Variants in NRG1 observed in about 807,000 individuals in gnomAD.
NRG1 encodes the protein neuregulin 1.
In NRG1, 18 loss-of-function variants were observed where a neutral mutation model predicts 63.8. That is an observed-to-expected ratio of 0.28 (90% CI 0.19 to 0.42). NRG1 has a LOEUF of 0.42. Among genes scored for constraint, NRG1 ranks in the 10% least tolerant of loss-of-function variants. The probability of loss-of-function intolerance (pLI) is 1.00; values close to 1 mark genes in which losing one functional copy is unlikely to be tolerated. For synonymous variants in NRG1, 302 were observed against 301.3 expected (o/e 1.00, Z -0.02); for missense variants, 762 against 814.7 (o/e 0.94, Z 0.79).
chr8:32,222,034 TAC>T (rs202206585), intron 1 of NRG1, among the ~76,000 whole-genome samples: 29,882 of 148,344 alleles, frequency 0.2, 3,078 homozygotes, highest in Non-Finnish European at 0.23. Flanking sequence ...GAAACATACA[TAC>T]ACACACACAC....
chr8:31,720,248 A>ATACATTG, intron 1 of NRG1, among the ~76,000 whole-genome samples: 1 of 152,232 alleles, frequency 6.6e-6, no homozygotes, highest in African/African-American at 2.4e-5. Flanking sequence ...AGGTGGAGTG[A>ATACATTG]CTGATACATT....
At chr8:31,792,786 G>A (rs1820841329) in intron 1 of NRG1, among the ~76,000 whole-genome samples, 1 of 152,140 alleles carries the variant, frequency 6.6e-6, no homozygotes, top group Non-Finnish European at 1.5e-5. Flanking sequence ...CATGCCACAT[G>A]TTCACAGTGA....
At chr8:31,747,488 T>A (rs1816006728) in intron 1 of NRG1, among the ~76,000 whole-genome samples, 3 of 151,976 alleles carry the variant, frequency 2.0e-5, no homozygotes, top group South Asian at 4.1e-4. Context: ...ATTCAGAGTG[T>A]CTCCTCATCA....
intron 5 of NRG1, among the ~76,000 whole-genome samples, chr8:32,656,379 C>T (rs1801493258): frequency 6.6e-6 from 1 of 152,032 alleles, no homozygotes; most frequent in South Asian, 2.1e-4. Context: ...ATTGGAGATT[C>T]TGTTGCAAGT....
intron 1 of NRG1, among the ~76,000 whole-genome samples, chr8:31,910,301 G>A (rs1450546342): frequency 1.4e-5 from 2 of 146,016 alleles, no homozygotes; most frequent in Non-Finnish European, 3.1e-5. Context: ...AGCATAGAAT[G>A]GAATGAGATG....
chr8:31,952,896 T>A (rs1451924439), intron 1 of NRG1, among the ~76,000 whole-genome samples: 1 of 152,248 alleles, frequency 6.6e-6, no homozygotes, highest in Non-Finnish European at 1.5e-5. Flanking sequence ...AACATTATTA[T>A]CACTGTCTCT....
In NRG1 at chr8:31,922,013, G is replaced by C. The variant is rs900989529; in HGVS notation, c.37+282582G>C. 3.3e-5 allele frequency among the ~76,000 whole-genome samples: 5 copies of C among 152,068 alleles called. No homozygotes were observed. In the South Asian group the frequency reaches 1.0e-3, roughly 32 times the overall value. The stretch of plus-strand genomic sequence containing the variant: ...ATTGTGATCATTTACTATTTCCTAA[G>C]TGATTCAAGCAGCAATCTTGTTTTA... On this transcript the variant is annotated intron_variant, in intron 1 of 10. Coordinates refer to the NRG1 transcript ENST00000519301.
intron 1 of NRG1, among the ~76,000 whole-genome samples, chr8:32,237,108 G>T (rs28691677): frequency 2.0e-5 from 3 of 152,176 alleles, no homozygotes; most frequent in Non-Finnish European, 4.4e-5. Context: ...TATATCAGGT[G>T]CAGGAGAAGT....
chr8:31,934,643 G>T (rs1238098864), intron 1 of NRG1, among the ~76,000 whole-genome samples: 2 of 151,382 alleles, frequency 1.3e-5, no homozygotes, highest in African/African-American at 4.9e-5. Flanking sequence ...CCACGGAAAG[G>T]GTACCCACAT....
intron 1 of NRG1, among the ~76,000 whole-genome samples, chr8:31,669,876 A>G (rs1194131108): frequency 2.6e-5 from 4 of 152,156 alleles, no homozygotes; most frequent in African/African-American, 9.7e-5. Context: ...GACTGGTCAC[A>G]TGAGGATTGG....
chr8:32,759,319 A>C (rs761492304), exon 10 of NRG1: 1 of 1,613,728 alleles, frequency 6.2e-7, no homozygotes, highest in Non-Finnish European at 8.5e-7. Context: ...TACGTATCTA[A>C]AAACGTCATC....
chr8:32,092,433 G>A (rs976631720), intron 1 of NRG1, among the ~76,000 whole-genome samples: 2 of 137,600 alleles, frequency 1.5e-5, no homozygotes, highest in Admixed American at 1.6e-4. Flanking sequence ...CTGCATTCCA[G>A]CCTGGGTGAC....
At chr8:32,643,974 T>C (rs1415433536) in intron 5 of NRG1, among the ~76,000 whole-genome samples, 1 of 152,156 alleles carries the variant, frequency 6.6e-6, no homozygotes. Flanking sequence ...ACAAAAGCAG[T>C]ATTTTTCAGC....
intron 1 of NRG1, among the ~76,000 whole-genome samples, chr8:32,377,716 A>C (rs908208615): frequency 2.6e-5 from 4 of 152,098 alleles, no homozygotes; most frequent in Non-Finnish European, 5.9e-5. Context: ...CTCCTCCCCA[A>C]TTTCACCCAG....
intron 5 of NRG1, among the ~76,000 whole-genome samples, chr8:32,679,127 A>C (rs929319436): frequency 6.6e-6 from 1 of 152,116 alleles, no homozygotes; most frequent in African/African-American, 2.4e-5. Context: ...CATCACCCCA[A>C]AATAAAATAA....
chr8:31,650,265 A>G (rs1424996027), intron 1 of NRG1, among the ~76,000 whole-genome samples: 2 of 152,224 alleles, frequency 1.3e-5, no homozygotes, highest in South Asian at 2.1e-4. Context: ...AGCATGAGCC[A>G]CTGCACTTGG....
At chr8:31,773,074 G>A (rs1425649244) in intron 1 of NRG1, among the ~76,000 whole-genome samples, 1 of 152,158 alleles carries the variant, frequency 6.6e-6, no homozygotes, top group African/African-American at 2.4e-5. Flanking sequence ...ATGCAGAAAG[G>A]TTGGAAACCT....
chr8:32,468,501 A>T (rs1823356804), intron 1 of NRG1, among the ~76,000 whole-genome samples: 1 of 152,174 alleles, frequency 6.6e-6, no homozygotes, highest in Admixed American at 6.5e-5. Flanking sequence ...TTTTTGCCCT[A>T]AGTACCTAGG....
At chr8:32,211,163 A>C (rs1354339126) in intron 1 of NRG1, among the ~76,000 whole-genome samples, 1 of 152,194 alleles carries the variant, frequency 6.6e-6, no homozygotes, top group Non-Finnish European at 1.5e-5. Context: ...AAAATAAGCA[A>C]AGATAAAGGG....
Sources: gnomAD v4.1 joint callset for allele counts (sites outside exome capture counted in the v4.1 genomes callset) on GRCh38, gnomAD v4.1.1 for gene constraint, MANE v1.5 for transcripts, NCBI Gene and HGNC (gene_info 2026-07-23, HGNC 2026-07-21) for gene names.